The following DPYD variants were observed in gnomAD, a reference collection of about 807,000 sequenced individuals.
DPYD encodes the protein dihydropyrimidine dehydrogenase, also known as dihydropyrimidine dehydrogenase [NADP(+)].
A neutral mutation model predicts 116.2 loss-of-function variants in DPYD; 109 were observed. The ratio of observed to expected loss-of-function variants is 0.94; its 90% CI spans 0.80 to 1.10. The LOEUF is 1.10. Ranked by LOEUF, DPYD falls within the 50% of genes least tolerant of loss-of-function variation. DPYD has a pLI of 0.00. For synonymous variants in DPYD, 440 were observed against 432.0 expected (o/e 1.02, Z -0.23); for missense variants, 1,302 against 1,254.5 (o/e 1.04, Z -0.57).
intron 16 of DPYD, among the ~76,000 whole-genome samples, chr1:97,338,776 T>C (rs1669437591): frequency 6.6e-6 from 1 of 152,064 alleles, no homozygotes; most frequent in Admixed American, 6.6e-5. Flanking sequence ...AAACCTCCAG[T>C]TTACCAGTGC....
intron 4 of DPYD, among the ~76,000 whole-genome samples, chr1:97,728,599 C>G (rs186704614): frequency 6.6e-6 from 1 of 152,160 alleles, no homozygotes; most frequent in South Asian, 2.1e-4. Flanking sequence ...CTTCCAATGA[C>G]AGTTTTCACA....
chr1:97,858,247 T>G (rs1037967732), intron 2 of DPYD, among the ~76,000 whole-genome samples: 7 of 152,200 alleles, frequency 4.6e-5, no homozygotes, highest in Non-Finnish European at 1.0e-4. Context: ...TTATTATTTA[T>G]ATATGAAGTG....
intron 19 of DPYD, among the ~76,000 whole-genome samples, chr1:97,212,869 C>T (rs1171753788): frequency 6.6e-6 from 1 of 152,116 alleles, no homozygotes; most frequent in Non-Finnish European, 1.5e-5. Context: ...ACATTCCTGT[C>T]TATAGAATGA....
intron 14 of DPYD, among the ~76,000 whole-genome samples, chr1:97,432,834 G>C (rs1675258836): frequency 6.6e-6 from 1 of 152,132 alleles, no homozygotes; most frequent in African/African-American, 2.4e-5. Flanking sequence ...GTTAGATTCG[G>C]TTCTTCATTG....
At chr1:97,340,953 G>C (rs981550069) in intron 16 of DPYD, among the ~76,000 whole-genome samples, 3 of 152,094 alleles carry the variant, frequency 2.0e-5, no homozygotes, top group African/African-American at 7.2e-5. Flanking sequence ...TGGGTTCTTT[G>C]ACTAGAATTT....
rs557897367 is a variant in DPYD, at chr1:97,793,934, GGTTT to G, written c.233+34176_233+34179del. Among the ~76,000 whole-genome samples the G allele has an allele frequency of 3.5e-3, 533 of 152,022 alleles. 3 individuals are homozygous for G. The highest frequency in any genetic ancestry group is 0.011 in the African/African-American group (443 of 41,500). On this transcript the variant is annotated intron_variant, in intron 3 of 22. Coordinates refer to ENST00000370192, the MANE Select transcript of DPYD (RefSeq NM_000110.4). ...GGTTGTTGTGTTTGTTTGTTTGTTT[GGTTT>G]GTTTGTTTGTTTGTTTGAGACAGGG...
At chr1:97,619,399 T>C (rs754520352) in intron 8 of DPYD, among the ~76,000 whole-genome samples, 1 of 152,212 alleles carries the variant, frequency 6.6e-6, no homozygotes, top group Admixed American at 6.6e-5. Context: ...CGCTTGTCTT[T>C]AGCATGTAGT....
intron 5 of DPYD, among the ~76,000 whole-genome samples, chr1:97,717,353 C>T (rs1662670436): frequency 2.6e-5 from 4 of 152,054 alleles, no homozygotes; most frequent in South Asian, 2.1e-4. Flanking sequence ...TCTACAGATA[C>T]CTCTTTTCTG....
chr1:97,440,327 T>C (rs1249778226), intron 14 of DPYD, among the ~76,000 whole-genome samples: 1 of 152,062 alleles, frequency 6.6e-6, no homozygotes, highest in Non-Finnish European at 1.5e-5. Context: ...CTTAGACCAT[T>C]TACATTTTTC....
intron 8 of DPYD, among the ~76,000 whole-genome samples, chr1:97,646,303 T>C (rs1658253459): frequency 6.6e-6 from 1 of 151,960 alleles, no homozygotes; most frequent in Admixed American, 6.6e-5. Flanking sequence ...TTTACTTTTA[T>C]CTGTATCTTC....
At chr1:97,737,035 C>T (rs987685048) in intron 4 of DPYD, among the ~76,000 whole-genome samples, 1 of 152,120 alleles carries the variant, frequency 6.6e-6, no homozygotes, top group Admixed American at 6.5e-5. Context: ...TTTTGCCCAA[C>T]TCTCCAAACC....
At chr1:97,457,204 A>G (rs918650358) in intron 13 of DPYD, among the ~76,000 whole-genome samples, 16 of 152,128 alleles carry the variant, frequency 1.1e-4, no homozygotes, top group African/African-American at 2.4e-5. Flanking sequence ...ATAATAAATG[A>G]AAACTGACCA....
chr1:97,288,087 G>T (rs1011053665), intron 18 of DPYD, among the ~76,000 whole-genome samples: 16 of 151,426 alleles, frequency 1.1e-4, no homozygotes, highest in African/African-American at 3.9e-4. Flanking sequence ...AAGAGACAAA[G>T]AAGGCCATTA....
chr1:97,379,094 A>G (rs1285047608), intron 15 of DPYD, among the ~76,000 whole-genome samples: 1 of 152,222 alleles, frequency 6.6e-6, no homozygotes, highest in Non-Finnish European at 1.5e-5. Context: ...GTCTTACAGA[A>G]TAGGACAGGG....
At position 97,642,550 on chromosome 1, in the gene DPYD, T is replaced by C. The variant is rs1391923499; in HGVS notation, c.850+36545A>G. 2.0e-5 allele frequency among the ~76,000 whole-genome samples: 3 copies of C among 152,090 alleles called. No homozygotes were observed. In the South Asian group the frequency reaches 6.2e-4, roughly 32 times the overall value. On this transcript the variant is annotated intron_variant, in intron 8 of 22. Coordinates refer to ENST00000370192, the MANE Select transcript of DPYD (RefSeq NM_000110.4). ...AACTGGCTAGCCATATGCAGAAAAC[T>C]GAAACTGGATTCCTTCCTTACACCT...
intron 18 of DPYD, among the ~76,000 whole-genome samples, chr1:97,236,619 C>A (rs1661946724): frequency 6.6e-6 from 1 of 151,992 alleles, no homozygotes; most frequent in Admixed American, 6.6e-5. Flanking sequence ...ACTATATATA[C>A]TATAATGGTG....
chr1:97,842,931 TGGA>T lies in DPYD; in HGVS notation c.151-14738_151-14736del, dbSNP rs1670108762. On this transcript the variant is annotated intron_variant, in intron 2 of 22. Transcript: ENST00000370192. ...TCCCATCCTCTTGTTCTGCACTTGG[TGGA>T]GATGTTCAATAAATATTTGTTAAAT... 2.6e-5 allele frequency among the ~76,000 whole-genome samples: 4 copies of T among 152,236 alleles called. 1 individual carries two copies. The South Asian group carries it at 8.3e-4, about 32-fold the overall frequency.
intron 3 of DPYD, among the ~76,000 whole-genome samples, chr1:97,764,674 T>C (rs976042334): frequency 6.6e-6 from 1 of 152,224 alleles, no homozygotes; most frequent in Non-Finnish European, 1.5e-5. Context: ...AAAATATCTT[T>C]TTCCTAAGAA....
intron 18 of DPYD, among the ~76,000 whole-genome samples, chr1:97,290,273 C>T (rs77186817): frequency 0.59 from 90,055 of 151,510 alleles, 26,975 homozygotes; most frequent in South Asian, 0.71. Flanking sequence ...AGGTAATTTA[C>T]AGATTCAATG....
Sources: allele counts gnomAD v4.1 joint callset (sites outside exome capture counted in the v4.1 genomes callset), GRCh38; gene constraint gnomAD v4.1.1; transcripts MANE v1.5; gene names NCBI Gene and HGNC (gene_info 2026-07-23, HGNC 2026-07-21).